The following IL1RAPL2 variants were observed in gnomAD, a reference collection of about 807,000 sequenced individuals.
The protein encoded by IL1RAPL2 is X-linked interleukin-1 receptor accessory protein-like 2.
Under a neutral mutation model 44.1 loss-of-function variants are expected in IL1RAPL2, and 3 were observed. The observed-to-expected ratio is 0.07, with a 90% CI of 0.03 to 0.18. The LOEUF (loss-of-function observed/expected upper bound fraction) is 0.18. IL1RAPL2 is among the 10% of genes least tolerant of loss of function. The probability of loss-of-function intolerance (pLI) is 1.00; values close to 1 mark genes in which losing one functional copy is unlikely to be tolerated. For missense variants in IL1RAPL2, 391 were observed against 496.4 expected (o/e 0.79, Z 2.02); for synonymous variants, 181 against 178.8 (o/e 1.01, Z -0.10).
At chrX:105,132,763 A>G (rs908559325) in intron 2 of IL1RAPL2, among the ~76,000 whole-genome samples, 1 of 111,925 alleles carries the variant, frequency 8.9e-6, no homozygotes, top group Non-Finnish European at 1.9e-5. Context: ...TGTTTCTTCT[A>G]TTCTTTATAT....
At position 104,582,634 on chromosome X, in the gene IL1RAPL2, TTCTTTCTC is replaced by T. The variant is rs1326522353; in HGVS notation, c.-20+15591_-20+15598del. On this transcript the variant is annotated intron_variant, in intron 1 of 10. Transcript: ENST00000372582. ...TTTCTTTCTTTCTTTCTTTCTTTCT[TTCTTTCTC>T]TCTTTCTTTCTTTCTTTTTTTTCTT... Among the ~76,000 whole-genome samples, 214 of 87,575 alleles carry T rather than the reference TTCTTTCTC, an allele frequency of 2.4e-3. 1 individual carries two copies. The highest frequency in any genetic ancestry group is 0.012 in the African/African-American group (206 of 17,838). 76.0% of individuals were successfully genotyped at this position (87,575 alleles called of 115,157 possible).
intron 5 of IL1RAPL2, among the ~76,000 whole-genome samples, chrX:105,318,041 C>T (rs1182006589): frequency 9.3e-6 from 1 of 107,671 alleles, no homozygotes; most frequent in Admixed American, 1.0e-4. Flanking sequence ...GGCGCGATCT[C>T]GGCTCACTGC....
intron 2 of IL1RAPL2, among the ~76,000 whole-genome samples, chrX:105,180,083 T>C (rs1386864387): frequency 9.0e-6 from 1 of 110,690 alleles, no homozygotes; most frequent in Non-Finnish European, 1.9e-5. Context: ...ACACCTGTAA[T>C]CCCAGTACTT....
chrX:104,877,749 A>AT lies in IL1RAPL2; in HGVS notation c.82+218764dup, dbSNP rs902456573. On this transcript the variant is annotated intron_variant, in intron 2 of 10. Transcript: ENST00000372582. Reference sequence around the variant, plus strand: ...ATTGAGCTGTCTGTACATACAGGGCATTTTTTTTTTCTTGAGACATACCCA... The same window carrying AT: ...ATTGAGCTGTCTGTACATACAGGGCATTTTTTTTTTTCTTGAGACATACCCA... 3.5e-3 allele frequency among the ~76,000 whole-genome samples: 383 copies of AT among 108,595 alleles called. 3 individuals carry two copies. Among genetic ancestry groups the AT allele is most frequent in the African/African-American group, 8.3e-3 (250 of 29,992 alleles). The allele number at this position is 108,595 out of a possible 115,157, so 94.3% of individuals were successfully genotyped here. A position where few individuals can be genotyped will look rare whatever the true frequency, so the allele number is the denominator to read the frequency against.
chrX:104,647,823 A>G, intron 1 of IL1RAPL2: 1 of 552,255 alleles, frequency 1.8e-6, no homozygotes, highest in Non-Finnish European at 3.3e-6. Context: ...TTCTGTACCC[A>G]TGGGATAGGA....
chrX:105,322,589 T>A (rs1349594089), intron 5 of IL1RAPL2, among the ~76,000 whole-genome samples: 1 of 112,011 alleles, frequency 8.9e-6, no homozygotes, highest in Non-Finnish European at 1.9e-5. Flanking sequence ...CCCAGTTACA[T>A]GTCTCTCTCC....
At chrX:105,331,332 T>C (rs1437693852) in intron 5 of IL1RAPL2, among the ~76,000 whole-genome samples, 2 of 111,833 alleles carry the variant, frequency 1.8e-5, no homozygotes, top group African/African-American at 6.5e-5. Flanking sequence ...GGCAAAAATT[T>C]ACCTATATTC....
At chrX:105,693,933 T>C (rs2038057053) in intron 6 of IL1RAPL2, among the ~76,000 whole-genome samples, 1 of 112,198 alleles carries the variant, frequency 8.9e-6, no homozygotes, top group African/African-American at 3.2e-5. Context: ...GCAGCCCTCA[T>C]GACACTTTGA....
At chrX:104,682,944 A>G (rs1305782906) in intron 2 of IL1RAPL2, among the ~76,000 whole-genome samples, 1 of 111,773 alleles carries the variant, frequency 8.9e-6, no homozygotes, top group Non-Finnish European at 1.9e-5. Flanking sequence ...CCAAATTCGA[A>G]TGTGACTGCT....
At chrX:105,570,869 G>A (rs1031034524) in intron 6 of IL1RAPL2, among the ~76,000 whole-genome samples, 1 of 111,696 alleles carries the variant, frequency 9.0e-6, no homozygotes, top group African/African-American at 3.2e-5. Flanking sequence ...TTTGGAGATG[G>A]CCTTGCCCTA....
intron 2 of IL1RAPL2, among the ~76,000 whole-genome samples, chrX:105,001,074 T>G (rs1336018547): frequency 9.0e-6 from 1 of 111,598 alleles, no homozygotes; most frequent in Non-Finnish European, 1.9e-5. Flanking sequence ...ACCAAATTCC[T>G]GCTTTGTACT....
At chrX:105,174,827 C>G (rs2033457658) in intron 2 of IL1RAPL2, among the ~76,000 whole-genome samples, 1 of 111,450 alleles carries the variant, frequency 9.0e-6, no homozygotes, top group Non-Finnish European at 1.9e-5. Flanking sequence ...CTGTTTTACA[C>G]ATGAGAAAGT....
At chrX:105,261,969 G>C (rs976661932) in intron 4 of IL1RAPL2, among the ~76,000 whole-genome samples, 1 of 111,776 alleles carries the variant, frequency 8.9e-6, no homozygotes, top group Non-Finnish European at 1.9e-5. Flanking sequence ...AAGGGCTAGA[G>C]CTGGCTTTTT....
At chrX:105,348,519 T>C (rs1177202544) in intron 5 of IL1RAPL2, among the ~76,000 whole-genome samples, 1 of 111,920 alleles carries the variant, frequency 8.9e-6, no homozygotes, top group Non-Finnish European at 1.9e-5. Flanking sequence ...TTATTATTAC[T>C]ATTCTCATAA....
intron 2 of IL1RAPL2, among the ~76,000 whole-genome samples, chrX:104,736,559 T>C (rs1292491563): frequency 8.9e-6 from 1 of 112,350 alleles, no homozygotes; most frequent in Admixed American, 9.5e-5. Flanking sequence ...TGAAGTCATT[T>C]TACAGTTCTA....
chrX:105,719,746 T>TA (rs3038940), intron 7 of IL1RAPL2, among the ~76,000 whole-genome samples: 2,555 of 99,635 alleles, frequency 0.026, 55 homozygotes, highest in South Asian at 0.079. Flanking sequence ...CTGTTTTTCT[T>TA]AAAAAAAAAA....
At chrX:104,891,851 G>A (rs1037535323) in intron 2 of IL1RAPL2, among the ~76,000 whole-genome samples, 1 of 111,691 alleles carries the variant, frequency 9.0e-6, no homozygotes, top group Admixed American at 9.5e-5. Context: ...AGTGGTGAGA[G>A]AGGGCATCCC....
chrX:105,747,516 GTATA>G (rs554778058), intron 8 of IL1RAPL2, among the ~76,000 whole-genome samples: 174 of 53,875 alleles, frequency 3.2e-3, no homozygotes, highest in Non-Finnish European at 4.0e-3. Flanking sequence ...GTGTGTGTGT[GTATA>G]TATATATATA....
intron 6 of IL1RAPL2, among the ~76,000 whole-genome samples, chrX:105,570,623 T>A (rs756378179): frequency 3.6e-5 from 4 of 112,071 alleles, no homozygotes; most frequent in African/African-American, 1.3e-4. Context: ...TTGTTATTTT[T>A]AAATTATCAG....
Sources: allele counts gnomAD v4.1 joint callset (sites outside exome capture counted in the v4.1 genomes callset), GRCh38; gene constraint gnomAD v4.1.1; transcripts MANE v1.5; gene names NCBI Gene and HGNC (gene_info 2026-07-23, HGNC 2026-07-21).